MTAP: variants seen among roughly 807,000 people sequenced by gnomAD.
The protein encoded by MTAP is S-methyl-5'-thioadenosine phosphorylase.
In MTAP, 33 loss-of-function variants were observed where a neutral mutation model predicts 33.6. That is an observed-to-expected ratio of 0.98 (90% CI 0.74 to 1.31). MTAP has a LOEUF of 1.31. MTAP is among the 40% of genes most tolerant of loss of function. MTAP has a pLI of 0.00. For synonymous variants in MTAP, 148 were observed against 125.7 expected, an observed-to-expected ratio of 1.18 and a Z score of -1.19; for missense variants, 367 against 360.0, an observed-to-expected ratio of 1.02 and a Z score of -0.16.
intron 3 of MTAP, 83 bp downstream of exon 3, chr9:21,816,855 G>A (rs1824488376): frequency 4.3e-6 from 5 of 1,159,126 alleles, no homozygotes; most frequent in Admixed American, 4.6e-5. Context: ...TAAAGATACA[G>A]GTCTGAGCTT....
chr9:21,831,132 T>C (rs958450900), intron 4 of MTAP, among the ~76,000 whole-genome samples: 1 of 152,196 alleles, frequency 6.6e-6, no homozygotes, highest in African/African-American at 2.4e-5. Context: ...GAACTGATGA[T>C]ATGGCCTTTC....
chr9:21,893,985 TATACAAA>T (rs1818244421), intron 1 of MTAP: 2 of 151,354 alleles, frequency 1.3e-5, no homozygotes, highest in African/African-American at 4.9e-5. Flanking sequence ...GGTGAACATG[TATACAAA>T]AATACTCAAC....
chr9:21,930,787 C>A (rs1476768802), intron 1 of MTAP: 3 of 717,252 alleles, frequency 4.2e-6, no homozygotes, highest in Non-Finnish European at 7.3e-6. Flanking sequence ...GTAAATCAAT[C>A]AGTAAAAGTA....
In MTAP at chr9:21,923,111, C is replaced by T. The variant is rs143009056; in HGVS notation, c.148-7897C>T. On this transcript the variant is annotated intron_variant, in intron 1 of 1. Transcript: ENST00000577563. ...CTTCCTTCTCTACGTTAAACACACA[C>T]TCCCTGTTATTCGTTCACCCATGGC... Among the ~76,000 whole-genome samples, 603 of 152,302 alleles carry T rather than the reference C, an allele frequency of 4.0e-3. 7 individuals are homozygous for T. The highest frequency in any genetic ancestry group is 0.013 in the African/African-American group (555 of 41,554).
intron 1 of MTAP, among the ~76,000 whole-genome samples, chr9:21,878,526 T>G (rs1350629201): frequency 6.6e-6 from 1 of 152,144 alleles, no homozygotes; most frequent in East Asian, 1.9e-4. Flanking sequence ...TGAGACTGGC[T>G]AATTTTTGTA....
chr9:21,871,141 G>A (rs917759287), downstream of MTAP, among the ~76,000 whole-genome samples: 60 of 152,224 alleles, frequency 3.9e-4, no homozygotes, highest in Middle Eastern at 3.4e-3. Flanking sequence ...TGAAAAAATA[G>A]ACTCACATAC....
chr9:21,922,104 A>G lies in MTAP; in HGVS notation c.148-8904A>G, dbSNP rs534304594. Among the ~76,000 whole-genome samples the G allele has an allele frequency of 6.6e-6, 1 of 152,246 alleles. No homozygotes were observed. The highest frequency in any genetic ancestry group is 1.9e-4 in the East Asian group (1 of 5,168). On this transcript the variant is annotated intron_variant, in intron 1 of 1. Coordinates refer to the MTAP transcript ENST00000577563. This position sits in a 1 kb window ranked among gnomAD's most constrained non-coding sequence, Gnocchi z 4.8. ...CCAACAGCTTCCCAATAAGGAGCTG[A>G]GCAAGCAGTCTCAAGCATGCACTAA... is the stretch of plus-strand genomic sequence containing the variant.
chr9:21,882,024 A>G (rs1818020006), intron 1 of MTAP, among the ~76,000 whole-genome samples: 2 of 152,026 alleles, frequency 1.3e-5, no homozygotes, highest in African/African-American at 4.8e-5. Flanking sequence ...GTAGTATAAA[A>G]CAAAATATTA....
At chr9:21,854,568 A>T in intron 5 of MTAP, 63 bp from the exon 6 acceptor site, 1 of 1,466,656 alleles carries the variant, frequency 6.8e-7, no homozygotes, top group Non-Finnish European at 9.0e-7. Flanking sequence ...CATTGGGGGG[A>T]AGTGCAGCCT....
intron 1 of MTAP, among the ~76,000 whole-genome samples, chr9:21,885,541 T>C (rs1279994786): frequency 6.6e-6 from 1 of 152,128 alleles, no homozygotes; most frequent in Non-Finnish European, 1.5e-5. Flanking sequence ...GTGTACACTG[T>C]ACCCAATATC....
chr9:21,818,413 C>T (rs548473391), intron 4 of MTAP, among the ~76,000 whole-genome samples: 4 of 150,038 alleles, frequency 2.7e-5, no homozygotes, highest in Non-Finnish European at 5.9e-5. Flanking sequence ...CTGAAACCTC[C>T]GCCTCCCAGG....
intron 1 of MTAP, among the ~76,000 whole-genome samples, chr9:21,889,178 T>A (rs1029922424): frequency 3.3e-5 from 5 of 151,798 alleles, no homozygotes; most frequent in South Asian, 2.1e-4. Context: ...TTTTTAAAAA[T>A]TTTTTTTTCT....
At chr9:21,901,939 A>T (rs1304091273) in intron 1 of MTAP, among the ~76,000 whole-genome samples, 1 of 152,218 alleles carries the variant, frequency 6.6e-6, no homozygotes, top group Non-Finnish European at 1.5e-5. Flanking sequence ...CAAAAAGGAA[A>T]ATATGACAAA....
At chr9:21,920,827 G>A (rs1818776085) in intron 1 of MTAP, among the ~76,000 whole-genome samples, 1 of 152,084 alleles carries the variant, frequency 6.6e-6, no homozygotes, top group Non-Finnish European at 1.5e-5. Context: ...CTAGCATTTT[G>A]TTGAGGATTT....
At chr9:21,818,316 G>GTTT in intron 4 of MTAP, 114 bp downstream of exon 4, 5 of 235,074 alleles carry the variant, frequency 2.1e-5, no homozygotes, top group South Asian at 4.5e-5. Flanking sequence ...AGACTCGCTT[G>GTTT]CTTTTTTTTT....
In MTAP at chr9:21,859,404, A is replaced by G. The variant is rs766010580; in HGVS notation, c.792A>G (p.Ser264=). The G allele has an allele frequency of 6.2e-7, 1 of 1,612,962 alleles. No homozygotes were observed. Residue 264 remains serine, a synonymous_variant, in exon 7 of 8, where the codon TCA becomes TCG. Coordinates refer to ENST00000644715, the MANE Select transcript of MTAP (RefSeq NM_002451.4). ...TIPQIGSTEW[S]ETLHNLKNMA... ...CTCAGATAGGGTCCACAGAATGGTC[A>G]GAAACCCTCCATAACCTGAAGGTAA...
chr9:21,836,982 C>G, intron 4 of MTAP, among the ~76,000 whole-genome samples: 1 of 152,174 alleles, frequency 6.6e-6, no homozygotes, highest in Non-Finnish European at 1.5e-5. Context: ...TTCCCTTGAC[C>G]CATCTCTCCC....
chr9:21,936,756 A>G (rs963941496), exon 8 of MTAP: 2 of 152,200 alleles, frequency 1.3e-5, no homozygotes, highest in Non-Finnish European at 2.9e-5. Flanking sequence ...AGTTACTAAG[A>G]GTTAACAATT....
Position 21,826,613 on chromosome 9 carries a change from TTA to T in MTAP, c.347+8413_347+8414del, listed in dbSNP as rs1824810878. ...GCCAGAGGTGCTGGGGTTTTGTTTA[TTA>T]TTATTATTATTATTATTATTATTAT... On this transcript the variant is annotated intron_variant, in intron 4 of 7. Transcript: ENST00000644715. Among the ~76,000 whole-genome samples the T allele has an allele frequency of 1.2e-4, 3 of 25,466 alleles. No individual in the cohort carries two copies. In the East Asian group the frequency reaches 5.7e-3, roughly 49 times the overall value. 16.7% of individuals were successfully genotyped at this position (25,466 alleles called of 152,430 possible).
Sources: allele counts gnomAD v4.1 joint callset (sites outside exome capture counted in the v4.1 genomes callset), GRCh38; gene constraint gnomAD v4.1.1; non-coding constraint Gnocchi (gnomAD v3.1); transcripts MANE v1.5; gene names NCBI Gene and HGNC (gene_info 2026-07-23, HGNC 2026-07-21).